Variants in CDYL2 observed in about 807,000 individuals in gnomAD.
CDYL2 encodes the protein chromodomain Y-like protein 2.
A neutral mutation model predicts 49.4 loss-of-function variants in CDYL2; 23 were observed. That is an observed-to-expected ratio of 0.47 (90% confidence interval 0.34 to 0.66). The LOEUF (loss-of-function observed/expected upper bound fraction) is 0.66. Ranked by LOEUF, CDYL2 falls within the 30% of genes least tolerant of loss-of-function variation. The pLI, the probability that CDYL2 is intolerant of heterozygous loss-of-function variation, is 0.01. For synonymous variants in CDYL2, 360 were observed against 268.8 expected (o/e 1.34, Z -3.32); for missense variants, 678 against 656.4 (o/e 1.03, Z -0.36).
intron 1 of CDYL2, among the ~76,000 whole-genome samples, chr16:80,717,021 G>GATGGATGT (rs1332572284): frequency 2.0e-5 from 3 of 151,912 alleles, no homozygotes; most frequent in South Asian, 2.1e-4. Context: ...TGGATGGATG[G>GATGGATGT]ATGGATGGAT....
At position 80,676,837 on chromosome 16, in the gene CDYL2, T is replaced by A. The variant is rs542723633; in HGVS notation, c.616+7701A>T. On this transcript the variant is annotated intron_variant, in intron 2 of 6. Coordinates refer to ENST00000570137, the MANE Select transcript of CDYL2 (RefSeq NM_152342.4). ...AATCATTTGGATAAGGGAGGGGTTA[T>A]CTGCTCTAGAATGTGTGGTCAGATG... 2.0e-5 allele frequency among the ~76,000 whole-genome samples: 3 copies of A among 152,314 alleles called. No homozygotes were observed. In the East Asian group the frequency reaches 5.8e-4, roughly 29 times the overall value.
chr16:80,683,688 G>A (rs1351775467), intron 2 of CDYL2, among the ~76,000 whole-genome samples: 1 of 152,152 alleles, frequency 6.6e-6, no homozygotes, highest in East Asian at 1.9e-4. Context: ...TTAAGAGGAG[G>A]GGCCTTTAGG....
chr16:80,639,662 G>C (rs1207624614), intron 2 of CDYL2: 1 of 455,450 alleles, frequency 2.2e-6, no homozygotes, highest in Non-Finnish European at 4.4e-6. Context: ...AATCAGGTGA[G>C]CACTCACAGG....
intron 2 of CDYL2, chr16:80,639,596 G>T (rs1907989289): frequency 2.3e-6 from 1 of 441,546 alleles, no homozygotes; most frequent in Admixed American, 2.5e-5. Context: ...CCCCTGCAAG[G>T]ACATCAAATT....
chr16:80,719,941 CA>C, intron 1 of CDYL2, among the ~76,000 whole-genome samples: 1 of 152,348 alleles, frequency 6.6e-6, no homozygotes, highest in African/African-American at 2.4e-5. Flanking sequence ...CCTCTGTACC[CA>C]AACCCTGATC....
intron 1 of CDYL2, among the ~76,000 whole-genome samples, chr16:80,716,782 T>G (rs930329922): frequency 2.4e-4 from 37 of 151,632 alleles, no homozygotes; most frequent in African/African-American, 7.5e-4. Flanking sequence ...ACCAGATGAC[T>G]GGATGGATGA....
At chr16:80,700,437 G>C (rs1380196169) in intron 1 of CDYL2, among the ~76,000 whole-genome samples, 1 of 152,040 alleles carries the variant, frequency 6.6e-6, no homozygotes, top group Non-Finnish European at 1.5e-5. Flanking sequence ...CAACAAAAGA[G>C]TAACATCCAG....
intron 2 of CDYL2, among the ~76,000 whole-genome samples, chr16:80,671,292 G>C (rs1198329979): frequency 2.0e-5 from 3 of 152,228 alleles, no homozygotes; most frequent in Non-Finnish European, 4.4e-5. Flanking sequence ...GAAGGCCAGA[G>C]TGGCTGACAT....
intron 2 of CDYL2, among the ~76,000 whole-genome samples, chr16:80,657,148 C>G (rs1908848128): frequency 6.6e-6 from 1 of 152,288 alleles, no homozygotes; most frequent in South Asian, 2.1e-4. Context: ...CCAGCAAAAT[C>G]AATACTCAAA....
At chr16:80,703,312 G>C (rs989321080) in intron 1 of CDYL2, among the ~76,000 whole-genome samples, 3 of 152,146 alleles carry the variant, frequency 2.0e-5, no homozygotes, top group Non-Finnish European at 2.9e-5. Flanking sequence ...TCCACAACTA[G>C]ACTGTGGCCT....
At chr16:80,702,183 AACACACACACACACAC>A (rs35071485) in intron 1 of CDYL2, among the ~76,000 whole-genome samples, 6 of 142,772 alleles carry the variant, frequency 4.2e-5, no homozygotes, top group Non-Finnish European at 7.7e-5. Flanking sequence ...GAAGGCCTAA[AACACACACACACACAC>A]ACACACACAC....
intron 1 of CDYL2, among the ~76,000 whole-genome samples, chr16:80,739,164 G>A (rs753379855): frequency 7.3e-4 from 111 of 152,298 alleles, no homozygotes; most frequent in Admixed American, 2.2e-3. Flanking sequence ...TGAAAAGACT[G>A]TATGATTCCA....
At chr16:80,658,442 C>A (rs1350729661) in intron 2 of CDYL2, among the ~76,000 whole-genome samples, 1 of 152,080 alleles carries the variant, frequency 6.6e-6, no homozygotes, top group African/African-American at 2.4e-5. Context: ...ACAGATAAAT[C>A]TTGAACTCTT....
intron 2 of CDYL2, among the ~76,000 whole-genome samples, chr16:80,654,492 G>A (rs1238960754): frequency 6.6e-6 from 1 of 152,154 alleles, no homozygotes; most frequent in East Asian, 1.9e-4. Flanking sequence ...AATGTCTGAA[G>A]GCAAGGCCAC....
intron 1 of CDYL2, among the ~76,000 whole-genome samples, chr16:80,686,065 A>G (rs1439746079): frequency 2.0e-5 from 3 of 152,214 alleles, no homozygotes; most frequent in Admixed American, 2.0e-4. Flanking sequence ...AGATGAAGAT[A>G]TTGCATATAA....
chr16:80,785,095 T>C lies in CDYL2; in HGVS notation c.24+19055A>G, dbSNP rs969587908. Among the ~76,000 whole-genome samples the C allele has an allele frequency of 3.9e-5, 6 of 152,060 alleles. No individual in the cohort carries two copies. In the East Asian group the frequency reaches 1.2e-3, roughly 29 times the overall value. ...ATACAGGACTTTTGTCCAAGAGTGA[T>C]GGGAGGCTACTGAAGACTTTGGGAG... is the stretch of plus-strand genomic sequence containing the variant. On this transcript the variant is annotated intron_variant, in intron 1 of 6. Coordinates refer to ENST00000570137, the MANE Select transcript of CDYL2 (RefSeq NM_152342.4).
chr16:80,674,650 T>C (rs897573571), intron 2 of CDYL2, among the ~76,000 whole-genome samples: 10 of 152,204 alleles, frequency 6.6e-5, no homozygotes, highest in Admixed American at 5.2e-4. Context: ...CAACGGCTAA[T>C]CTACTTTCTG....
chr16:80,748,928 C>T (rs1430188466), intron 1 of CDYL2, among the ~76,000 whole-genome samples: 1 of 152,132 alleles, frequency 6.6e-6, no homozygotes, highest in Non-Finnish European at 1.5e-5. Context: ...ATAGAAGGGG[C>T]TAATTTTACA....
intron 1 of CDYL2, among the ~76,000 whole-genome samples, chr16:80,773,600 C>T (rs1326400656): frequency 6.6e-6 from 1 of 152,050 alleles, no homozygotes; most frequent in African/African-American, 2.4e-5. Context: ...AGTTAAATAT[C>T]AGAGTATGTT....
Sources: allele counts gnomAD v4.1 joint callset (sites outside exome capture counted in the v4.1 genomes callset), GRCh38; gene constraint gnomAD v4.1.1; transcripts MANE v1.5; gene names NCBI Gene and HGNC (gene_info 2026-07-23, HGNC 2026-07-21).